The following LRFN5 variants were observed in gnomAD, a reference collection of about 807,000 sequenced individuals.
LRFN5 encodes the protein leucine-rich repeat and fibronectin type-III domain-containing protein 5.
In LRFN5, 24 loss-of-function variants were observed where a neutral mutation model predicts 45.6. That is an observed-to-expected ratio of 0.53 (90% CI 0.38 to 0.74). The LOEUF is 0.74. Among genes scored for constraint, LRFN5 ranks in the 30% least tolerant of loss-of-function variants. The probability of loss-of-function intolerance (pLI) is 0.00; values close to 1 mark genes in which losing one functional copy is unlikely to be tolerated. For missense variants in LRFN5, 776 were observed against 861.5 expected (o/e 0.90, Z 1.24); for synonymous variants, 340 against 313.8 (o/e 1.08, Z -0.88).
At chr14:41,759,289 T>C (rs1338513942) in intron 1 of LRFN5, among the ~76,000 whole-genome samples, 1 of 152,184 alleles carries the variant, frequency 6.6e-6, no homozygotes, top group Non-Finnish European at 1.5e-5. Context: ...CCTTAGTTTT[T>C]CTGAGTTTAT....
chr14:41,736,112 TATATA>T (rs1160856423), intron 1 of LRFN5, among the ~76,000 whole-genome samples: 2 of 152,194 alleles, frequency 1.3e-5, no homozygotes, highest in Non-Finnish European at 2.9e-5. Context: ...ATCCTTTGGT[TATATA>T]CCCAGCAATG....
rs1207970798 is a variant in LRFN5 at position 41,886,669 on chromosome 14, T to C, written c.44T>C (p.Val15Ala). The C allele has an allele frequency of 9.4e-6, 15 of 1,603,620 alleles. No homozygotes were observed. Among genetic ancestry groups the C allele is most frequent in the African/African-American group, 5.4e-5 (4 of 74,112 alleles). ...TATCTGTTTCTCATTGGCATAGCAG[T>C]GAAAGCTCAGATCTGTCCAAAGCGT... Reference protein sequence around the residue: ...LFYLFLIGIAVKAQICPKRCV... With the variant: ...LFYLFLIGIAAKAQICPKRCV... The change falls in exon 3 of 6, where the codon GTG (valine) becomes GCG (alanine). Residue 15 changes from valine (V) to alanine (A), a missense_variant. Val to Ala is a moderately conservative substitution (Grantham distance 64). Transcript: ENST00000298119.
chr14:41,840,899 C>A (rs761923959), intron 2 of LRFN5, among the ~76,000 whole-genome samples: 1 of 151,892 alleles, frequency 6.6e-6, no homozygotes, highest in African/African-American at 2.4e-5. Flanking sequence ...AAATATGAAT[C>A]TACACAGGGG....
At chr14:41,690,092 C>T (rs1328770053) in intron 1 of LRFN5, among the ~76,000 whole-genome samples, 1 of 152,062 alleles carries the variant, frequency 6.6e-6, no homozygotes, top group East Asian at 1.9e-4. Flanking sequence ...TTTAAACTCT[C>T]CTTTATGAAT....
chr14:41,900,782 A>G (rs1337244235), intron 5 of LRFN5, among the ~76,000 whole-genome samples: 1 of 152,110 alleles, frequency 6.6e-6, no homozygotes, highest in Admixed American at 6.6e-5. Context: ...GCCTATGTCT[A>G]CCACTGTGAG....
chr14:41,617,244 C>T (rs560677251), intron 1 of LRFN5, among the ~76,000 whole-genome samples: 2 of 152,198 alleles, frequency 1.3e-5, no homozygotes, highest in South Asian at 4.1e-4. Context: ...TTTCCTGGCA[C>T]TGTAGATTTT....
intron 1 of LRFN5, among the ~76,000 whole-genome samples, chr14:41,764,823 C>T (rs1305251817): frequency 6.7e-6 from 1 of 149,906 alleles, no homozygotes; most frequent in Non-Finnish European, 1.5e-5. Context: ...ATGCAGAATA[C>T]ATATATATGA....
chr14:41,653,154 G>C (rs1476125102), intron 1 of LRFN5, among the ~76,000 whole-genome samples: 1 of 152,116 alleles, frequency 6.6e-6, no homozygotes, highest in Non-Finnish European at 1.5e-5. Context: ...CTACGAAGAA[G>C]CTCTTTAGTT....
intron 1 of LRFN5, among the ~76,000 whole-genome samples, chr14:41,698,629 G>A (rs1291760453): frequency 6.6e-6 from 1 of 151,998 alleles, no homozygotes; most frequent in Non-Finnish European, 1.5e-5. Context: ...AGAGAACAAA[G>A]CAAAACTACA....
intron 2 of LRFN5, among the ~76,000 whole-genome samples, chr14:41,876,778 A>T (rs1196161806): frequency 6.6e-6 from 1 of 152,030 alleles, no homozygotes; most frequent in Admixed American, 6.6e-5. Context: ...AAAGTGTACA[A>T]TACAGATGCT....
At chr14:41,897,089 AAAATAAATAAAT>A (rs527665190) in intron 4 of LRFN5, among the ~76,000 whole-genome samples, 2,102 of 148,528 alleles carry the variant, frequency 0.014, 14 homozygotes, top group Non-Finnish European at 0.019. Context: ...AGACTCTGTC[AAAATAAATAAAT>A]AAATAAATAA....
chr14:41,781,896 G>C (rs374421620), intron 2 of LRFN5, among the ~76,000 whole-genome samples: 6 of 151,984 alleles, frequency 3.9e-5, no homozygotes, highest in African/African-American at 1.4e-4. Context: ...AGTCCTGATG[G>C]GAAGCCCAAT....
intron 2 of LRFN5, among the ~76,000 whole-genome samples, chr14:41,863,822 A>G (rs1287725476): frequency 6.6e-6 from 1 of 151,926 alleles, no homozygotes; most frequent in East Asian, 1.9e-4. Flanking sequence ...TCCTAATGCC[A>G]TCCCTCCCCT....
chr14:41,643,808 T>A (rs1370768862), intron 1 of LRFN5, among the ~76,000 whole-genome samples: 1 of 152,076 alleles, frequency 6.6e-6, no homozygotes, highest in Non-Finnish European at 1.5e-5. Flanking sequence ...GATTTTCTCA[T>A]CTTTCTCTAC....
At chr14:41,615,715 T>C (rs1887906722) in intron 1 of LRFN5, among the ~76,000 whole-genome samples, 2 of 152,140 alleles carry the variant, frequency 1.3e-5, no homozygotes, top group Admixed American at 1.3e-4. Flanking sequence ...TACCATTTGA[T>C]CAATGTTTTC....
At chr14:41,844,234 G>GA in intron 2 of LRFN5, among the ~76,000 whole-genome samples, 1 of 151,916 alleles carries the variant, frequency 6.6e-6, no homozygotes, top group African/African-American at 2.4e-5. Flanking sequence ...TCAGGAGATC[G>GA]AGACCATCCT....
chr14:41,617,045 A>G (rs1278533633), intron 1 of LRFN5, among the ~76,000 whole-genome samples: 1 of 152,138 alleles, frequency 6.6e-6, no homozygotes, highest in Non-Finnish European at 1.5e-5. Flanking sequence ...TAAGATTGCT[A>G]GGTATGTTGG....
At chr14:41,753,946 C>G (rs1372293029) in intron 1 of LRFN5, among the ~76,000 whole-genome samples, 3 of 152,096 alleles carry the variant, frequency 2.0e-5, no homozygotes, top group African/African-American at 7.2e-5. Flanking sequence ...CCATCAATAC[C>G]TAATTTATTG....
chr14:41,702,848 A>G (rs937983078), intron 1 of LRFN5, among the ~76,000 whole-genome samples: 14 of 151,994 alleles, frequency 9.2e-5, no homozygotes, highest in Non-Finnish European at 1.2e-4. Context: ...TAAACAATAT[A>G]TATTTTCTAT....
Sources: allele counts gnomAD v4.1 joint callset (sites outside exome capture counted in the v4.1 genomes callset), GRCh38; gene constraint gnomAD v4.1.1; transcripts MANE v1.5; gene names NCBI Gene and HGNC (gene_info 2026-07-23, HGNC 2026-07-21).